Variants in ESR1 observed in about 807,000 individuals in gnomAD.
ESR1 encodes estrogen receptor 1.
ESR1 carries 12 observed loss-of-function variants against 52.7 expected under a neutral mutation model. The observed-to-expected ratio is 0.23, with a 90% CI of 0.15 to 0.37. The LOEUF (loss-of-function observed/expected upper bound fraction) is 0.37, where lower values mean the gene tolerates loss of function less well. Among genes scored for constraint, ESR1 ranks in the 10% least tolerant of loss-of-function variants. The pLI, the probability that ESR1 is intolerant of heterozygous loss-of-function variation, is 1.00. For synonymous variants in ESR1, 305 were observed against 316.8 expected (o/e 0.96, Z 0.39); for missense variants, 584 against 779.7 (o/e 0.75, Z 2.99).
At chr6:152,020,520 G>A (rs569160584) in intron 5 of ESR1, among the ~76,000 whole-genome samples, 2 of 151,742 alleles carry the variant, frequency 1.3e-5, no homozygotes, top group East Asian at 3.9e-4. Flanking sequence ...GTGTGATCTC[G>A]GCTCACTTCA....
intron 4 of ESR1, among the ~76,000 whole-genome samples, chr6:152,002,583 C>T (rs1562655410): frequency 6.6e-6 from 1 of 152,036 alleles, no homozygotes; most frequent in Non-Finnish European, 1.5e-5. Context: ...AGCTGTCCTT[C>T]CTGTCCATTT....
chr6:151,734,329 G>A (rs552395707), intron 2 of ESR1, among the ~76,000 whole-genome samples: 91 of 152,276 alleles, frequency 6.0e-4, no homozygotes, highest in African/African-American at 2.1e-3. Flanking sequence ...CTTCTTTGTG[G>A]CAGCCATGAT....
chr6:151,753,143 C>T (rs1784022135), intron 2 of ESR1, among the ~76,000 whole-genome samples: 2 of 152,194 alleles, frequency 1.3e-5, no homozygotes. Flanking sequence ...GCTTCTTCAA[C>T]TGTTGACGTG....
In ESR1 at chr6:151,956,289, T is replaced by C. The variant is rs531376271; in HGVS notation, c.1096+11781T>C. On this transcript the variant is annotated intron_variant, in intron 4 of 7. Coordinates refer to ENST00000206249, the MANE Select transcript of ESR1 (RefSeq NM_000125.4). ...ATGGTAGTTCTGTTTTTAGTTCTTTTAGTTCTGTGTGTGAAAACACACCAG... is the reference window on the plus strand; with the variant it reads ...ATGGTAGTTCTGTTTTTAGTTCTTTCAGTTCTGTGTGTGAAAACACACCAG... 3.3e-5 allele frequency among the ~76,000 whole-genome samples: 5 copies of C among 152,100 alleles called. No homozygotes were observed. The South Asian group carries it at 1.0e-3, about 31-fold the overall frequency.
chr6:151,746,090 T>C lies in ESR1; in HGVS notation c.-71+44085T>C, dbSNP rs1167285670. Among the ~76,000 whole-genome samples the C allele has an allele frequency of 2.0e-5, 3 of 152,186 alleles. No individual in the cohort carries two copies. The East Asian group carries it at 5.8e-4, about 29-fold the overall frequency. On this transcript the variant is annotated intron_variant, in intron 2 of 2. Coordinates refer to the ESR1 transcript ENST00000404742. Reference sequence around the variant, plus strand: ...TACTCCATTTTGTCTCTATATCACATTTTTTTGTTTATCCATTGATCTGTT... The same window carrying C: ...TACTCCATTTTGTCTCTATATCACACTTTTTTGTTTATCCATTGATCTGTT...
intron 2 of ESR1, among the ~76,000 whole-genome samples, chr6:151,785,993 C>G (rs957502340): frequency 2.6e-5 from 4 of 152,126 alleles, no homozygotes; most frequent in Non-Finnish European, 2.9e-5. Context: ...TGGGGTCAGA[C>G]AGAGGACTGT....
At chr6:151,783,327 T>C (rs545475617) in intron 2 of ESR1, among the ~76,000 whole-genome samples, 273 of 152,352 alleles carry the variant, frequency 1.8e-3, no homozygotes, top group African/African-American at 5.9e-3. Context: ...TTTTGCTAGC[T>C]GGAGAAGGGC....
chr6:151,885,247 CA>C (rs1298894419), intron 3 of ESR1, among the ~76,000 whole-genome samples: 2 of 152,104 alleles, frequency 1.3e-5, no homozygotes, highest in South Asian at 4.1e-4. Flanking sequence ...AGAACATTTG[CA>C]TGGGAAGCGG....
rs949159401 is a variant in ESR1, at chr6:152,098,045, G to T, written c.1554-687G>T. ...AGGAGGCGGCATTTGAAGACCGGAGGAAGGTTCATCCCAGCAAGTAGGAAC... is the reference window on the plus strand; with the variant it reads ...AGGAGGCGGCATTTGAAGACCGGAGTAAGGTTCATCCCAGCAAGTAGGAAC... On this transcript the variant is annotated intron_variant, in intron 7 of 7. Transcript: ENST00000206249. The surrounding 1 kb of genome is among the most constrained non-coding windows in gnomAD (Gnocchi z 5.1). 6.6e-6 allele frequency among the ~76,000 whole-genome samples: 1 copy of T among 152,164 alleles called. No individual in the cohort carries two copies. The highest frequency in any genetic ancestry group is 2.4e-5 in the African/African-American group (1 of 41,432).
intron 2 of ESR1, among the ~76,000 whole-genome samples, chr6:151,844,933 T>C (rs941542371): frequency 6.6e-6 from 1 of 152,136 alleles, no homozygotes; most frequent in Non-Finnish European, 1.5e-5. Flanking sequence ...ATTGATAAAG[T>C]GTTACCTGTA....
rs2050796293 is a variant in ESR1 at position 152,098,369 on chromosome 6, G to A, written c.1554-363G>A. Among the ~76,000 whole-genome samples the A allele has an allele frequency of 6.6e-6, 1 of 151,990 alleles. No individual in the cohort carries two copies. On this transcript the variant is annotated intron_variant, in intron 7 of 7. Coordinates refer to ENST00000206249, the MANE Select transcript of ESR1 (RefSeq NM_000125.4). This position sits in a 1 kb window ranked among gnomAD's most constrained non-coding sequence, Gnocchi z 5.1. The stretch of plus-strand genomic sequence containing the variant: ...ATGTTGTCTTTTTAGAAGCTTTGGC[G>A]ATCCTATTTGAATGCATTTAGGTCC...
intron 2 of ESR1, among the ~76,000 whole-genome samples, chr6:151,744,122 A>G (rs1562372460): frequency 6.6e-6 from 1 of 152,162 alleles, no homozygotes; most frequent in Non-Finnish European, 1.5e-5. Context: ...TACTATATAA[A>G]TATACTTCAT....
chr6:152,004,414 A>G (rs912014124), intron 4 of ESR1, among the ~76,000 whole-genome samples: 31 of 152,134 alleles, frequency 2.0e-4, no homozygotes, highest in African/African-American at 7.5e-4. Flanking sequence ...TGATTGGTCT[A>G]CAATGAGTTA....
At chr6:151,902,476 A>G (rs563982691) in intron 3 of ESR1, among the ~76,000 whole-genome samples, 5 of 152,346 alleles carry the variant, frequency 3.3e-5, no homozygotes, top group African/African-American at 9.6e-5. Flanking sequence ...AGCTATTCTG[A>G]GACTCAAAGA....
chr6:152,026,530 A>C (rs1433606055), intron 5 of ESR1, among the ~76,000 whole-genome samples: 1 of 151,998 alleles, frequency 6.6e-6, no homozygotes, highest in Non-Finnish European at 1.5e-5. Context: ...ATCTGAGAAT[A>C]CTTTTAATAG....
At chr6:151,789,078 C>A (rs1257383686) in intron 2 of ESR1, among the ~76,000 whole-genome samples, 1 of 152,062 alleles carries the variant, frequency 6.6e-6, no homozygotes, top group Non-Finnish European at 1.5e-5. Context: ...ATGAAACAAA[C>A]CTGCACGTGT....
intron 1 of ESR1, among the ~76,000 whole-genome samples, chr6:151,659,667 G>A (rs1777573073): frequency 6.6e-6 from 1 of 152,128 alleles, no homozygotes; most frequent in African/African-American, 2.4e-5. Context: ...AATTCAGCAG[G>A]CAATGTCTTC....
chr6:151,780,688 C>T (rs17081679), intron 2 of ESR1, among the ~76,000 whole-genome samples: 4 of 152,090 alleles, frequency 2.6e-5, no homozygotes, highest in African/African-American at 4.8e-5. Context: ...AATTCAAATG[C>T]GAGTTAGGCT....
At chr6:151,804,014 TGA>T (rs1005887503), upstream of ESR1, among the ~76,000 whole-genome samples, 2 of 152,048 alleles carry the variant, frequency 1.3e-5, no homozygotes, top group African/African-American at 4.8e-5. Flanking sequence ...CTTCTTCACC[TGA>T]GAGAGCCAGT....
Sources: allele counts gnomAD v4.1 joint callset (sites outside exome capture counted in the v4.1 genomes callset), GRCh38; gene constraint gnomAD v4.1.1; non-coding constraint Gnocchi (gnomAD v3.1); transcripts MANE v1.5; gene names NCBI Gene and HGNC (gene_info 2026-07-23, HGNC 2026-07-21).